TMEM132D: variants seen among roughly 807,000 people sequenced by gnomAD.
TMEM132D encodes transmembrane protein 132D.
A neutral mutation model predicts 62.3 loss-of-function variants in TMEM132D; 21 were observed. That is an observed-to-expected ratio of 0.34 (90% CI 0.24 to 0.49). TMEM132D has a LOEUF of 0.49. Among genes scored for constraint, TMEM132D ranks in the 20% least tolerant of loss-of-function variants. TMEM132D has a pLI of 0.99. For synonymous variants in TMEM132D, 621 were observed against 575.6 expected, an observed-to-expected ratio of 1.08 and a Z score of -1.13; for missense variants, 1,346 against 1,402.8, an observed-to-expected ratio of 0.96 and a Z score of 0.65.
chr12:129,259,911 G>A (rs915907892), intron 4 of TMEM132D, among the ~76,000 whole-genome samples: 7 of 152,190 alleles, frequency 4.6e-5, no homozygotes, highest in African/African-American at 9.7e-5. Context: ...TGGGAAAGAT[G>A]AGGGAAAGAG....
At chr12:129,685,216 G>C (rs1212245900) in intron 2 of TMEM132D, among the ~76,000 whole-genome samples, 3 of 152,196 alleles carry the variant, frequency 2.0e-5, no homozygotes, top group Admixed American at 2.0e-4. Context: ...ATGTCTCCAT[G>C]TCAGAGACCT....
At chr12:129,209,293 G>T (rs1878953436) in intron 5 of TMEM132D, among the ~76,000 whole-genome samples, 1 of 152,140 alleles carries the variant, frequency 6.6e-6, no homozygotes, top group Non-Finnish European at 1.5e-5. Context: ...AGTGTCAAGG[G>T]ACAGCCTCCC....
At chr12:129,717,462 A>C (rs1868631125) in intron 1 of TMEM132D, among the ~76,000 whole-genome samples, 1 of 151,124 alleles carries the variant, frequency 6.6e-6, no homozygotes, top group African/African-American at 2.4e-5. Flanking sequence ...AAAAATTAGA[A>C]ATTTATTTAA....
chr12:129,605,043 C>A (rs144631569), intron 2 of TMEM132D, among the ~76,000 whole-genome samples: 3 of 152,170 alleles, frequency 2.0e-5, no homozygotes, highest in Non-Finnish European at 4.4e-5. Context: ...TATAGATATG[C>A]ATAAAAGTAA....
At chr12:129,396,202 G>A (rs142528952) in intron 3 of TMEM132D, among the ~76,000 whole-genome samples, 85 of 152,050 alleles carry the variant, frequency 5.6e-4, no homozygotes, top group Admixed American at 3.7e-3. Context: ...ACACACTTAC[G>A]TAAAGGACAC....
At chr12:129,669,413 T>A (rs1880449878) in intron 2 of TMEM132D, among the ~76,000 whole-genome samples, 1 of 152,162 alleles carries the variant, frequency 6.6e-6, no homozygotes, top group South Asian at 2.1e-4. Flanking sequence ...CTTTTAAAAT[T>A]GGGAGTTGTG....
chr12:129,705,390 T>C (rs180916633), intron 1 of TMEM132D, among the ~76,000 whole-genome samples: 2 of 152,304 alleles, frequency 1.3e-5, no homozygotes, highest in Admixed American at 1.3e-4. Flanking sequence ...TATAAGCATT[T>C]AGTTAAAAGT....
chr12:129,107,336 A>C (rs1254154494), intron 5 of TMEM132D, among the ~76,000 whole-genome samples: 1 of 152,222 alleles, frequency 6.6e-6, no homozygotes, highest in Non-Finnish European at 1.5e-5. Flanking sequence ...ATACAAGGTA[A>C]TTTTATTAAG....
chr12:129,241,448 A>G (rs1255540908), intron 4 of TMEM132D, among the ~76,000 whole-genome samples: 3 of 152,048 alleles, frequency 2.0e-5, no homozygotes, highest in Non-Finnish European at 4.4e-5. Flanking sequence ...GGCCCCACCG[A>G]CCTGCTTTCT....
At chr12:129,134,782 C>G (rs866914016) in intron 5 of TMEM132D, among the ~76,000 whole-genome samples, 2 of 152,232 alleles carry the variant, frequency 1.3e-5, no homozygotes, top group Non-Finnish European at 2.9e-5. Flanking sequence ...TAAGTGATTC[C>G]TCTTGTGGCC....
intron 2 of TMEM132D, among the ~76,000 whole-genome samples, chr12:129,691,995 A>G (rs905135923): frequency 5.9e-5 from 9 of 152,022 alleles, no homozygotes; most frequent in African/African-American, 2.2e-4. Flanking sequence ...CCAGGCTCGG[A>G]TGGATTCACC....
At chr12:129,322,490 C>T (rs1038678291) in intron 4 of TMEM132D, among the ~76,000 whole-genome samples, 3 of 151,860 alleles carry the variant, frequency 2.0e-5, no homozygotes, top group African/African-American at 7.3e-5. Context: ...ACTGTCCAGA[C>T]ACTTAATAAA....
intron 3 of TMEM132D, among the ~76,000 whole-genome samples, chr12:129,429,922 T>G (rs1872607229): frequency 6.6e-6 from 1 of 152,232 alleles, no homozygotes; most frequent in Non-Finnish European, 1.5e-5. Context: ...TCATCCTTTT[T>G]TATGGCTGCA....
chr12:129,778,322 T>C (rs1871013256), intron 1 of TMEM132D, among the ~76,000 whole-genome samples: 2 of 152,114 alleles, frequency 1.3e-5, no homozygotes, highest in African/African-American at 4.8e-5. Flanking sequence ...GATTATATCA[T>C]TCCCACACCT....
intron 2 of TMEM132D, among the ~76,000 whole-genome samples, chr12:129,554,980 TA>T (rs879681262): frequency 4.6e-5 from 7 of 152,212 alleles, no homozygotes; most frequent in Non-Finnish European, 7.3e-5. Flanking sequence ...TACTGTGGCC[TA>T]AAACCTCCAG....
chr12:129,469,672 C>G (rs549350989), intron 3 of TMEM132D, among the ~76,000 whole-genome samples: 5 of 152,214 alleles, frequency 3.3e-5, no homozygotes, highest in Non-Finnish European at 7.3e-5. Flanking sequence ...ATTGCTGCCA[C>G]TCTGGTGTGG....
intron 1 of TMEM132D, among the ~76,000 whole-genome samples, chr12:129,862,708 TA>T (rs1873936132): frequency 6.6e-6 from 1 of 152,142 alleles, no homozygotes; most frequent in South Asian, 2.1e-4. Context: ...GACACAAGTA[TA>T]AGTAGAGAAT....
chr12:129,547,447 C>T (rs974097031), intron 2 of TMEM132D, among the ~76,000 whole-genome samples: 1 of 152,134 alleles, frequency 6.6e-6, no homozygotes, highest in African/African-American at 2.4e-5. Flanking sequence ...GTTTAGGGCC[C>T]ACCCTAAGTG....
At chr12:129,457,888 AT>A (rs1277747084) in intron 3 of TMEM132D, among the ~76,000 whole-genome samples, 3 of 152,164 alleles carry the variant, frequency 2.0e-5, no homozygotes, top group African/African-American at 7.2e-5. Flanking sequence ...GGGGATTACA[AT>A]TTGACATGAG....
Sources: allele counts gnomAD v4.1 joint callset (sites outside exome capture counted in the v4.1 genomes callset), GRCh38; gene constraint gnomAD v4.1.1; transcripts MANE v1.5; gene names NCBI Gene and HGNC (gene_info 2026-07-23, HGNC 2026-07-21).